CCDC144A: variants seen among roughly 807,000 people sequenced by gnomAD.
CCDC144A encodes coiled-coil domain containing 144A.
Under a neutral mutation model 143.8 loss-of-function variants are expected in CCDC144A, and 41 were observed. The ratio of observed to expected loss-of-function variants is 0.29; its 90% confidence interval spans 0.22 to 0.37. CCDC144A has a LOEUF of 0.37. Ranked by LOEUF, CCDC144A falls within the 10% of genes least tolerant of loss-of-function variation. The pLI, the probability that CCDC144A is intolerant of heterozygous loss-of-function variation, is 1.00. For missense variants in CCDC144A, 637 were observed against 1,488.8 expected (o/e 0.43, Z 9.41); for synonymous variants, 242 against 517.9 (o/e 0.47, Z 7.23).
chr17:16,719,522 A>G lies in CCDC144A; in HGVS notation c.1716-676A>G, dbSNP rs562566743. On this transcript the variant is annotated intron_variant, in intron 6 of 16. Transcript: ENST00000399273. ...ACCTTCACAGCATATCATGAAGCAC[A>G]TGTTTTTGAGGCAGAATTCTTAGGT... 1.2e-4 allele frequency among the ~76,000 whole-genome samples: 18 copies of G among 152,328 alleles called. No homozygotes were observed. In the South Asian group the frequency reaches 2.1e-3, roughly 18 times the overall value.
At chr17:16,720,321 A>G (rs1489685628) in intron 7 of CCDC144A, 90 bp downstream of exon 7, 2 of 1,499,622 alleles carry the variant, frequency 1.3e-6, no homozygotes, top group African/African-American at 2.9e-5. Context: ...GTTTTGTTGT[A>G]AGGCTGTTTG....
intron 12 of CCDC144A, among the ~76,000 whole-genome samples, chr17:16,739,435 C>G (rs1914161516): frequency 1.3e-5 from 2 of 150,694 alleles, no homozygotes; most frequent in South Asian, 4.2e-4. Context: ...GGTCTCTGTT[C>G]AAGCACAGAA....
chr17:16,755,641 C>G (rs1459290822), intron 12 of CCDC144A, among the ~76,000 whole-genome samples: 1 of 152,226 alleles, frequency 6.6e-6, no homozygotes, highest in Non-Finnish European at 1.5e-5. Flanking sequence ...CTTACTGCAA[C>G]CTCTGCCTCC....
At chr17:16,686,175 G>T (rs1910776558), upstream of CCDC144A, among the ~76,000 whole-genome samples, 1 of 149,182 alleles carries the variant, frequency 6.7e-6, no homozygotes, top group Non-Finnish European at 1.5e-5. Context: ...AGCTCACTCA[G>T]GGGTGAGCCA....
At chr17:16,724,354 G>A (rs1913263562) in intron 8 of CCDC144A, among the ~76,000 whole-genome samples, 1 of 152,024 alleles carries the variant, frequency 6.6e-6, no homozygotes, top group Non-Finnish European at 1.5e-5. Flanking sequence ...TGACCAATAC[G>A]TTGAAACTCT....
At chr17:16,676,424 T>C in the CCDC144A span, among the ~76,000 whole-genome samples, 3,578 of 149,114 alleles carry the variant, frequency 0.024, 143 homozygotes, top group African/African-American at 0.084. Context: ...GGCAGGAGAA[T>C]GGTGTGAACC....
At chr17:16,678,581 T>TTTTCTTTC in the CCDC144A span, among the ~76,000 whole-genome samples, 1 of 136,396 alleles carries the variant, frequency 7.3e-6, no homozygotes, top group Non-Finnish European at 1.5e-5. Context: ...TTTCTTTTTC[T>TTTTCTTTC]TTTCTTTTTT....
At chr17:16,770,071 C>T (rs1343674783) in intron 15 of CCDC144A, among the ~76,000 whole-genome samples, 2 of 151,772 alleles carry the variant, frequency 1.3e-5, no homozygotes, top group Non-Finnish European at 2.9e-5. Flanking sequence ...TGTGATCCAC[C>T]CAATTCAGCC....
chr17:16,766,372 A>G (rs1310916093), intron 15 of CCDC144A: 2 of 152,258 alleles, frequency 1.3e-5, no homozygotes, highest in Admixed American at 6.5e-5. Context: ...GAGGCCCAAG[A>G]TATTTTCCTT....
the CCDC144A span, among the ~76,000 whole-genome samples, chr17:16,682,251 CAG>C: frequency 2.2e-5 from 3 of 138,682 alleles, no homozygotes; most frequent in Admixed American, 7.1e-5. Flanking sequence ...GATGGAGAGA[CAG>C]AGAGAGAGAG....
At chr17:16,712,680 A>G (rs147860855) in intron 6 of CCDC144A, among the ~76,000 whole-genome samples, 39 of 152,320 alleles carry the variant, frequency 2.6e-4, no homozygotes, top group African/African-American at 9.1e-4. Context: ...TAGCATTATA[A>G]TATCAAGAAG....
chr17:16,681,762 G>A, the CCDC144A span, among the ~76,000 whole-genome samples: 1 of 152,048 alleles, frequency 6.6e-6, no homozygotes, highest in South Asian at 2.1e-4. Flanking sequence ...GGGAGGCTGA[G>A]GCAGGAGAAT....
At chr17:16,689,712 G>A (rs1910928847), upstream of CCDC144A, 2 of 152,460 alleles carry the variant, frequency 1.3e-5, no homozygotes, top group Non-Finnish European at 2.9e-5. Context: ...CCTGGCTCCA[G>A]GCGCAGGCCG....
intron 6 of CCDC144A, among the ~76,000 whole-genome samples, chr17:16,713,540 A>T (rs890745696): frequency 6.6e-6 from 1 of 152,228 alleles, no homozygotes; most frequent in Non-Finnish European, 1.5e-5. Context: ...TGAGTATAAA[A>T]TATTCTAGAA....
intron 12 of CCDC144A, among the ~76,000 whole-genome samples, chr17:16,741,221 A>C (rs991351409): frequency 2.0e-5 from 3 of 152,262 alleles, no homozygotes; most frequent in Non-Finnish European, 4.4e-5. Context: ...TAAGTTCACC[A>C]ATCTGTGGCT....
At chr17:16,736,913 G>T (rs970210728) in intron 12 of CCDC144A, among the ~76,000 whole-genome samples, 1 of 152,164 alleles carries the variant, frequency 6.6e-6, no homozygotes, top group African/African-American at 2.4e-5. Context: ...ACCACCAGCA[G>T]CCCCACCCAC....
the CCDC144A span, among the ~76,000 whole-genome samples, chr17:16,671,702 T>C: frequency 1.3e-5 from 2 of 152,058 alleles, no homozygotes; most frequent in Admixed American, 1.3e-4. Context: ...TATATTATCT[T>C]TTCCTCTGAA....
At chr17:16,684,829 G>A (rs1335445284), upstream of CCDC144A, among the ~76,000 whole-genome samples, 2 of 151,956 alleles carry the variant, frequency 1.3e-5, no homozygotes, top group African/African-American at 4.8e-5. Flanking sequence ...CAGGTGTAGT[G>A]GTGCATGCCT....
chr17:16,734,308 T>C (rs2143245837), intron 11 of CCDC144A, among the ~76,000 whole-genome samples: 1 of 152,292 alleles, frequency 6.6e-6, no homozygotes, highest in Admixed American at 6.5e-5. Context: ...TGTCCAGATA[T>C]ATGCAAAGCT....
Sources: allele counts gnomAD v4.1 joint callset (sites outside exome capture counted in the v4.1 genomes callset), GRCh38; gene constraint gnomAD v4.1.1; transcripts MANE v1.5; gene names NCBI Gene and HGNC (gene_info 2026-07-23, HGNC 2026-07-21).